Variants in RAB38 observed in about 807,000 individuals in gnomAD.
RAB38 encodes ras-related protein Rab-38.
A neutral mutation model predicts 18.4 loss-of-function variants in RAB38; 15 were observed. The ratio of observed to expected loss-of-function variants is 0.82; its 90% CI spans 0.55 to 1.26. RAB38 has a LOEUF of 1.26. Among genes scored for constraint, RAB38 ranks in the 50% most tolerant of loss-of-function variants. The pLI is 0.00. For missense variants in RAB38, 294 were observed against 267.4 expected (o/e 1.10, Z -0.69); for synonymous variants, 101 against 104.4 (o/e 0.97, Z 0.20).
At chr11:88,073,293 A>C in the RAB38 span, among the ~76,000 whole-genome samples, 1 of 152,180 alleles carries the variant, frequency 6.6e-6, no homozygotes, top group Non-Finnish European at 1.5e-5. Flanking sequence ...TGTTCAACAG[A>C]ACCATGCTAC....
the RAB38 span, among the ~76,000 whole-genome samples, chr11:87,864,943 A>G: frequency 6.6e-6 from 1 of 151,784 alleles, no homozygotes; most frequent in Non-Finnish European, 1.5e-5. Flanking sequence ...GAAAGGTTAG[A>G]TTTTCTACCT....
chr11:88,133,528 C>T (rs1942791962), intron 2 of RAB38, among the ~76,000 whole-genome samples: 1 of 152,104 alleles, frequency 6.6e-6, no homozygotes, highest in African/African-American at 2.4e-5. Context: ...AAGCTTACTC[C>T]TGTTACACCC....
At chr11:87,976,112 G>C in the RAB38 span, among the ~76,000 whole-genome samples, 2 of 147,048 alleles carry the variant, frequency 1.4e-5, no homozygotes. Flanking sequence ...ATATATGTGT[G>C]CGTGTAAATA....
At chr11:87,873,876 GTA>G in the RAB38 span, among the ~76,000 whole-genome samples, 498 of 130,756 alleles carry the variant, frequency 3.8e-3, 16 homozygotes, top group East Asian at 0.066. Flanking sequence ...GTGTGTGTGT[GTA>G]TATATATGTG....
At chr11:87,948,850 C>CT in the RAB38 span, among the ~76,000 whole-genome samples, 82 of 151,806 alleles carry the variant, frequency 5.4e-4, no homozygotes, top group African/African-American at 1.6e-3. Flanking sequence ...GTCTAAAATT[C>CT]TTTTTTTGTT....
the RAB38 span, among the ~76,000 whole-genome samples, chr11:87,907,157 T>A: frequency 6.6e-6 from 1 of 151,958 alleles, no homozygotes; most frequent in African/African-American, 2.4e-5. Flanking sequence ...TCCAAAGAGT[T>A]TCTCAATTGG....
At chr11:87,881,964 C>T in the RAB38 span, among the ~76,000 whole-genome samples, 1 of 151,774 alleles carries the variant, frequency 6.6e-6, no homozygotes, top group African/African-American at 2.4e-5. Flanking sequence ...TCTTCCTTTC[C>T]TGCCACAGTT....
the RAB38 span, among the ~76,000 whole-genome samples, chr11:88,071,271 C>CACAT: frequency 6.6e-6 from 1 of 150,910 alleles, no homozygotes; most frequent in African/African-American, 2.4e-5. Context: ...CACACACACA[C>CACAT]GTGTGCAAGC....
chr11:88,040,894 C>T, the RAB38 span, among the ~76,000 whole-genome samples: 7 of 152,196 alleles, frequency 4.6e-5, no homozygotes, highest in East Asian at 5.8e-4. Flanking sequence ...TAAAAAGATA[C>T]AGCCCCTTAA....
chr11:87,945,432 T>C, the RAB38 span, among the ~76,000 whole-genome samples: 4 of 152,102 alleles, frequency 2.6e-5, no homozygotes, highest in Admixed American at 6.6e-5. Flanking sequence ...ATGGAGCAAT[T>C]TAACAAATTG....
the RAB38 span, among the ~76,000 whole-genome samples, chr11:88,034,651 G>A: frequency 6.6e-6 from 1 of 152,126 alleles, no homozygotes; most frequent in Admixed American, 6.5e-5. Context: ...ATCCTCTTTG[G>A]TGGAATGTCT....
intron 2 of RAB38, among the ~76,000 whole-genome samples, 200 bp from the exon 3 acceptor site, chr11:88,114,340 T>A (rs907728093): frequency 1.3e-5 from 2 of 152,258 alleles, no homozygotes; most frequent in African/African-American, 4.8e-5. Context: ...TTTATTTTGC[T>A]ATGTCATATA....
At chr11:87,974,609 T>A in the RAB38 span, among the ~76,000 whole-genome samples, 1 of 151,500 alleles carries the variant, frequency 6.6e-6, no homozygotes, top group African/African-American at 2.4e-5. Context: ...ATAGCAAAAA[T>A]TGTAAGCCTA....
chr11:87,900,827 T>C, the RAB38 span, among the ~76,000 whole-genome samples: 2 of 142,178 alleles, frequency 1.4e-5, no homozygotes, highest in South Asian at 4.4e-4. Context: ...AGGAAAGAAA[T>C]GAAGGAAGGA....
intron 2 of RAB38, among the ~76,000 whole-genome samples, chr11:88,146,057 C>A (rs1942981177): frequency 6.6e-6 from 1 of 152,140 alleles, no homozygotes; most frequent in South Asian, 2.1e-4. Context: ...CCAGAGACAC[C>A]AACATGTATT....
chr11:87,899,958 C>T, the RAB38 span, among the ~76,000 whole-genome samples: 10 of 150,928 alleles, frequency 6.6e-5, no homozygotes, highest in Non-Finnish European at 1.2e-4. Flanking sequence ...CTACTCCTTC[C>T]GTTTTTTTTT....
chr11:88,080,926 TAAC>T, the RAB38 span, among the ~76,000 whole-genome samples: 1 of 151,240 alleles, frequency 6.6e-6, no homozygotes, highest in South Asian at 2.1e-4. Context: ...GAAAGAAAGA[TAAC>T]AAAGCCATCT....
chr11:88,094,475 C>T, the RAB38 span, among the ~76,000 whole-genome samples: 1 of 151,882 alleles, frequency 6.6e-6, no homozygotes, highest in Non-Finnish European at 1.5e-5. Flanking sequence ...GTAAACAATC[C>T]TTTGATCCCA....
At chr11:87,959,680 T>G in the RAB38 span, among the ~76,000 whole-genome samples, 2 of 152,210 alleles carry the variant, frequency 1.3e-5, no homozygotes, top group Admixed American at 6.5e-5. Context: ...AAAAGTAATA[T>G]GAGCAACTTT....
Sources: allele counts gnomAD v4.1 joint callset (sites outside exome capture counted in the v4.1 genomes callset), GRCh38; gene constraint gnomAD v4.1.1; transcripts MANE v1.5; gene names NCBI Gene and HGNC (gene_info 2026-07-23, HGNC 2026-07-21).